Variants in NRG1 observed in about 807,000 individuals in gnomAD.
The protein encoded by NRG1 is neuregulin 1.
A neutral mutation model predicts 63.8 loss-of-function variants in NRG1; 18 were observed. That is an observed-to-expected ratio of 0.28 (90% CI 0.19 to 0.42). The LOEUF (loss-of-function observed/expected upper bound fraction) is 0.42. Among genes scored for constraint, NRG1 ranks in the 10% least tolerant of loss-of-function variants. The pLI is 1.00. For missense variants in NRG1, 762 were observed against 814.7 expected, an observed-to-expected ratio of 0.94 and a Z score of 0.79; for synonymous variants, 302 against 301.3, an observed-to-expected ratio of 1.00 and a Z score of -0.02.
exon 12 of NRG1, chr8:32,763,843 C>T (rs779333674): frequency 6.2e-7 from 1 of 1,613,868 alleles, no homozygotes. Context: ...ATGTCTCCAC[C>T]CGTGTCCAGC....
intron 1 of NRG1, among the ~76,000 whole-genome samples, chr8:32,378,724 T>C (rs893048757): frequency 2.0e-5 from 3 of 152,084 alleles, no homozygotes; most frequent in Admixed American, 2.0e-4. Flanking sequence ...ACCCAGTAAC[T>C]CGTCATTTAA....
chr8:31,878,565 G>A (rs1830104146), intron 1 of NRG1, among the ~76,000 whole-genome samples: 2 of 152,174 alleles, frequency 1.3e-5, no homozygotes, highest in South Asian at 4.1e-4. Flanking sequence ...CACAAACTGA[G>A]TGGCACACAT....
intron 1 of NRG1, among the ~76,000 whole-genome samples, chr8:32,462,595 CTTTTTTTTTTTTT>C (rs58485445): frequency 6.9e-5 from 5 of 72,292 alleles, no homozygotes; most frequent in South Asian, 1.4e-3. Flanking sequence ...CACACTGATT[CTTTTTTTTTTTTT>C]TTTTTTTTTT....
chr8:32,367,997 T>A (rs1201755215), intron 1 of NRG1, among the ~76,000 whole-genome samples: 1 of 152,206 alleles, frequency 6.6e-6, no homozygotes, highest in Non-Finnish European at 1.5e-5. Context: ...ATGCATTTAT[T>A]TCTAGGTTCT....
intron 10 of NRG1, 35 bp from the exon 11 acceptor site, chr8:32,760,165 G>T: frequency 6.2e-7 from 1 of 1,609,450 alleles, no homozygotes; most frequent in South Asian, 1.1e-5. Flanking sequence ...ATTTTTGCAC[G>T]AAATATCTGA....
At chr8:31,758,549 G>A (rs1817217419) in intron 1 of NRG1, among the ~76,000 whole-genome samples, 1 of 152,138 alleles carries the variant, frequency 6.6e-6, no homozygotes, top group Admixed American at 6.6e-5. Context: ...AAAAGGATGA[G>A]TTCATGTCCT....
At chr8:31,697,367 T>A (rs551265867) in intron 1 of NRG1, among the ~76,000 whole-genome samples, 1 of 152,272 alleles carries the variant, frequency 6.6e-6, no homozygotes, top group African/African-American at 2.4e-5. Context: ...GGGCTACCAT[T>A]TCAATTAGTA....
At chr8:32,279,147 G>A (rs1457472573) in intron 1 of NRG1, among the ~76,000 whole-genome samples, 1 of 152,184 alleles carries the variant, frequency 6.6e-6, no homozygotes, top group African/African-American at 2.4e-5. Context: ...GCCTACCGCA[G>A]AGCTGGCGTT....
At chr8:32,167,836 C>T (rs1341640027) in intron 1 of NRG1, among the ~76,000 whole-genome samples, 1 of 152,176 alleles carries the variant, frequency 6.6e-6, no homozygotes, top group Non-Finnish European at 1.5e-5. Flanking sequence ...GATCAAACCA[C>T]CAATGATAAG....
intron 1 of NRG1, among the ~76,000 whole-genome samples, chr8:32,211,798 G>T (rs1356266977): frequency 6.6e-6 from 1 of 151,958 alleles, no homozygotes; most frequent in East Asian, 1.9e-4. Context: ...ACTTAAATTT[G>T]CCAATCTTTT....
intron 5 of NRG1, among the ~76,000 whole-genome samples, chr8:32,708,101 CTAAT>C (rs68045527): frequency 0.12 from 18,552 of 151,900 alleles, 1,622 homozygotes; most frequent in Non-Finnish European, 0.18. Context: ...CAAAAGACTC[CTAAT>C]TAAGTTTTCC....
intron 1 of NRG1, among the ~76,000 whole-genome samples, chr8:32,582,091 A>ATTTTATTTTATTTTG (rs1445706862): frequency 8.6e-6 from 1 of 116,816 alleles, no homozygotes; most frequent in Non-Finnish European, 1.9e-5. Context: ...ATTTTATTTT[A>ATTTTATTTTATTTTG]TTTTGTTTTG....
chr8:32,743,021 G>A (rs1412404534), intron 7 of NRG1: 1 of 1,202,340 alleles, frequency 8.3e-7, no homozygotes, highest in Non-Finnish European at 1.0e-6. Context: ...ATATCAAGCA[G>A]TGAAATATGA....
intron 1 of NRG1, among the ~76,000 whole-genome samples, chr8:31,736,348 C>T (rs1399507403): frequency 6.6e-6 from 1 of 152,130 alleles, no homozygotes; most frequent in Non-Finnish European, 1.5e-5. Flanking sequence ...GCTGACTTCC[C>T]TGCATGAGCT....
At chr8:32,691,914 G>T (rs1811810312) in intron 5 of NRG1, among the ~76,000 whole-genome samples, 1 of 152,238 alleles carries the variant, frequency 6.6e-6, no homozygotes, top group African/African-American at 2.4e-5. Context: ...TTTCCCTAAA[G>T]AAAGGTGATA....
At chr8:32,096,956 A>G (rs1829978909) in intron 1 of NRG1, among the ~76,000 whole-genome samples, 1 of 152,234 alleles carries the variant, frequency 6.6e-6, no homozygotes, top group Admixed American at 6.5e-5. Context: ...CCTTCTATCT[A>G]ACTGTATGTT....
chr8:32,756,372 A>T (rs1318468353), intron 8 of NRG1, 31 bp from the exon 9 acceptor site: 1 of 1,600,034 alleles, frequency 6.2e-7, no homozygotes, highest in African/African-American at 1.4e-5. Context: ...AATAATCAAA[A>T]AAAAATAAAT....
chr8:32,311,333 T>G (rs1440461567), intron 1 of NRG1, among the ~76,000 whole-genome samples: 1 of 152,100 alleles, frequency 6.6e-6, no homozygotes, highest in Non-Finnish European at 1.5e-5. Flanking sequence ...TGAAAATATG[T>G]CAATGGGAAG....
At chr8:32,716,887 AT>A (rs1197126450) in intron 5 of NRG1, among the ~76,000 whole-genome samples, 2 of 151,500 alleles carry the variant, frequency 1.3e-5, no homozygotes, top group African/African-American at 2.4e-5. Context: ...CAGAACCCCA[AT>A]TTTTTTTAAT....
Sources: allele counts gnomAD v4.1 joint callset (sites outside exome capture counted in the v4.1 genomes callset), GRCh38; gene constraint gnomAD v4.1.1; transcripts MANE v1.5; gene names NCBI Gene and HGNC (gene_info 2026-07-23, HGNC 2026-07-21).